Variants in SWAP70 observed in about 807,000 individuals in gnomAD.
SWAP70 encodes switch-associated protein 70.
SWAP70 carries 34 observed loss-of-function variants against 80.2 expected under a neutral mutation model. The observed-to-expected ratio is 0.42, with a 90% CI of 0.32 to 0.56. The LOEUF (loss-of-function observed/expected upper bound fraction) is 0.56, where lower values mean the gene tolerates loss of function less well. Among genes scored for constraint, SWAP70 ranks in the 20% least tolerant of loss-of-function variants. The pLI, the probability that SWAP70 is intolerant of heterozygous loss-of-function variation, is 0.09. For synonymous variants in SWAP70, 239 were observed against 238.5 expected, an observed-to-expected ratio of 1.00 and a Z score of -0.02; for missense variants, 578 against 690.7, an observed-to-expected ratio of 0.84 and a Z score of 1.83.
At chr11:9,721,712 A>T (rs1043707901) in intron 3 of SWAP70, among the ~76,000 whole-genome samples, 7 of 152,014 alleles carry the variant, frequency 4.6e-5, no homozygotes, top group African/African-American at 1.7e-4. Context: ...GCCCCAAGTG[A>T]TGCTCCTGTC....
At position 9,749,143 on chromosome 11, in the gene SWAP70, A is replaced by G. The variant is rs1851551506; in HGVS notation, c.1611A>G (p.Lys537=). The change falls in exon 11 of 12, where the codon AAA becomes AAG. Residue 537 remains lysine (K), a synonymous_variant. Transcript: ENST00000318950. ...ATNKTKSWKD[K]VAHHEGLIRL... ...ATAAGACCAAGAGCTGGAAGGACAA[A>G]GTGGCCCATCATGAAGGATTAATTC... The G allele has an allele frequency of 6.2e-7, 1 of 1,612,928 alleles. No homozygotes were observed. The highest frequency in any genetic ancestry group is 8.5e-7 in the Non-Finnish European group (1 of 1,179,322).
chr11:9,680,497 C>A (rs1183808214), intron 1 of SWAP70, among the ~76,000 whole-genome samples: 2 of 152,120 alleles, frequency 1.3e-5, no homozygotes, highest in South Asian at 2.1e-4. Flanking sequence ...CTCACTGCAA[C>A]CTCCGCCTCC....
At chr11:9,679,971 C>G (rs1850547240) in intron 1 of SWAP70, among the ~76,000 whole-genome samples, 1 of 152,076 alleles carries the variant, frequency 6.6e-6, no homozygotes, top group Non-Finnish European at 1.5e-5. Context: ...ACGCGGCCTG[C>G]TTTTTATATT....
chr11:9,747,116 A>G (rs951592356), intron 9 of SWAP70, among the ~76,000 whole-genome samples: 1 of 152,232 alleles, frequency 6.6e-6, no homozygotes, highest in Admixed American at 6.5e-5. Context: ...TTAAACAACT[A>G]CATAGCTGGG....
chr11:9,666,141 G>A (rs986603507), intron 1 of SWAP70, among the ~76,000 whole-genome samples: 2 of 150,096 alleles, frequency 1.3e-5, no homozygotes, highest in East Asian at 1.9e-4. Context: ...GCTGGAGTGC[G>A]GTGGTGTGAT....
At chr11:9,704,727 G>C (rs1313530036) in intron 2 of SWAP70, among the ~76,000 whole-genome samples, 1 of 152,100 alleles carries the variant, frequency 6.6e-6, no homozygotes, top group Non-Finnish European at 1.5e-5. Flanking sequence ...TGGAGCATTT[G>C]CACATAACTG....
intron 6 of SWAP70, among the ~76,000 whole-genome samples, chr11:9,732,303 G>A (rs943277984): frequency 6.6e-6 from 1 of 152,052 alleles, no homozygotes; most frequent in Admixed American, 6.6e-5. Context: ...TAAAGATGTG[G>A]AAACTGATGC....
chr11:9,727,791 AG>A (rs1168333055), intron 4 of SWAP70, among the ~76,000 whole-genome samples: 2 of 152,218 alleles, frequency 1.3e-5, no homozygotes, highest in Non-Finnish European at 1.5e-5. Flanking sequence ...CTTAATGTCA[AG>A]GGGATTCTAT....
intron 9 of SWAP70, among the ~76,000 whole-genome samples, chr11:9,742,432 G>A (rs1196865418): frequency 6.6e-6 from 1 of 151,842 alleles, no homozygotes; most frequent in African/African-American, 2.4e-5. Context: ...CGCCTCCTGG[G>A]TTCAAGCGAC....
chr11:9,732,532 T>C lies in SWAP70; in HGVS notation c.902T>C (p.Ile301Thr). The change falls in exon 7 of 12, where the codon ATT becomes ACT. Residue 301 changes from isoleucine (I) to threonine (T), a missense_variant. Physicochemically the swap from Ile to Thr is moderately conservative, Grantham distance 89 (BLOSUM62 -1). Coordinates refer to ENST00000318950, the MANE Select transcript of SWAP70 (RefSeq NM_015055.4). ...TTTCCTCCTACACCTTTTACAGCCA[T>C]TCATTCTACTATTCATCTGTTGAAG... ...KKKKQEWIQA[I>T]HSTIHLLKLG... 1 of 1,604,704 alleles carries C rather than the reference T, an allele frequency of 6.2e-7. No homozygotes were observed.
rs373881926 is a variant in SWAP70 at position 9,732,621 on chromosome 11, C to G, written c.991C>G (p.Leu331Val). ...TCGGAAAGAACTCCGGAAGAAGCAG[C>G]TGGCTGAACAAGAGGAACTGGAGCG... is the stretch of plus-strand genomic sequence containing the variant. ...QRRKELRKKQLAEQEELERQM... is the reference protein window; with the variant it reads ...QRRKELRKKQVAEQEELERQM... Residue 331 changes from leucine to valine, a missense_variant, in exon 7 of 12, where the codon CTG becomes GTG. Transcript: ENST00000318950. The G allele has an allele frequency of 2.4e-5, 38 of 1,592,570 alleles. No individual in the cohort carries two copies. The highest frequency in any genetic ancestry group is 3.4e-6 in the Non-Finnish European group (4 of 1,167,900).
At chr11:9,675,079 C>G (rs1184902197) in intron 1 of SWAP70, among the ~76,000 whole-genome samples, 1 of 152,134 alleles carries the variant, frequency 6.6e-6, no homozygotes, top group Non-Finnish European at 1.5e-5. Context: ...AAATGGATCA[C>G]TTGAACCCAG....
intron 1 of SWAP70, among the ~76,000 whole-genome samples, chr11:9,665,655 C>T (rs1850299151): frequency 6.6e-6 from 1 of 152,152 alleles, no homozygotes; most frequent in Non-Finnish European, 1.5e-5. Context: ...AAACTGATTT[C>T]TTTTACCCAG....
intron 3 of SWAP70, among the ~76,000 whole-genome samples, chr11:9,722,820 G>A (rs976173462): frequency 2.6e-5 from 4 of 152,216 alleles, no homozygotes; most frequent in South Asian, 4.1e-4. Context: ...CTATATTTGC[G>A]TGGCACATGT....
intron 9 of SWAP70, among the ~76,000 whole-genome samples, chr11:9,747,083 G>T (rs1279788840): frequency 6.6e-6 from 1 of 152,162 alleles, no homozygotes; most frequent in Non-Finnish European, 1.5e-5. Flanking sequence ...TTTAATGCAG[G>T]TTTTGGCTGT....
chr11:9,746,191 A>T (rs1346154196), intron 9 of SWAP70, among the ~76,000 whole-genome samples: 1 of 151,966 alleles, frequency 6.6e-6, no homozygotes, highest in Non-Finnish European at 1.5e-5. Flanking sequence ...CCTCCACCAT[A>T]CCCTAGCTGC....
chr11:9,746,711 T>A (rs2133820200), intron 9 of SWAP70, among the ~76,000 whole-genome samples: 1 of 152,358 alleles, frequency 6.6e-6, no homozygotes, highest in South Asian at 2.1e-4. Flanking sequence ...AGATACTTCC[T>A]TTGTGGAACT....
intron 1 of SWAP70, among the ~76,000 whole-genome samples, chr11:9,671,731 T>TAAATATAA (rs1850405116): frequency 7.0e-5 from 5 of 70,978 alleles, no homozygotes; most frequent in African/African-American, 2.3e-4. Context: ...AATATATTTC[T>TAAATATAA]ATGTATACAT....
At chr11:9,689,439 G>A (rs191641250) in intron 1 of SWAP70, among the ~76,000 whole-genome samples, 39 of 152,336 alleles carry the variant, frequency 2.6e-4, no homozygotes, top group African/African-American at 9.1e-4. Flanking sequence ...TTCTGGCATG[G>A]ATATGGATCT....
Sources: allele counts gnomAD v4.1 joint callset (sites outside exome capture counted in the v4.1 genomes callset), GRCh38; gene constraint gnomAD v4.1.1; transcripts MANE v1.5; gene names NCBI Gene and HGNC (gene_info 2026-07-23, HGNC 2026-07-21).